The following PTPRD variants were observed in gnomAD, a reference collection of about 807,000 sequenced individuals.
PTPRD encodes protein tyrosine phosphatase receptor type D.
In PTPRD, 34 loss-of-function variants were observed where a neutral mutation model predicts 214.5. The observed-to-expected ratio is 0.16, with a 90% CI of 0.12 to 0.21. The LOEUF is 0.21. Among genes scored for constraint, PTPRD ranks in the 10% least tolerant of loss-of-function variants. The probability of loss-of-function intolerance (pLI) is 1.00; values close to 1 mark genes in which losing one functional copy is unlikely to be tolerated. For missense variants in PTPRD, 2,545 were observed against 2,398.7 expected (o/e 1.06, Z -1.27); for synonymous variants, 1,128 against 845.7 (o/e 1.33, Z -5.79).
chr9:8,564,517 A>G (rs2088032822), intron 14 of PTPRD, among the ~76,000 whole-genome samples: 1 of 152,106 alleles, frequency 6.6e-6, no homozygotes, highest in South Asian at 2.1e-4. Flanking sequence ...CCAGGCCAAC[A>G]TGGTGAAACC....
chr9:9,808,669 C>T (rs974769990), intron 5 of PTPRD, among the ~76,000 whole-genome samples: 2 of 152,092 alleles, frequency 1.3e-5, no homozygotes, highest in Non-Finnish European at 1.5e-5. Context: ...TAATGTCTGC[C>T]TCCTGGTTCC....
chr9:9,738,661 C>T (rs1435477146), intron 6 of PTPRD, among the ~76,000 whole-genome samples: 3 of 151,776 alleles, frequency 2.0e-5, no homozygotes, highest in Admixed American at 6.6e-5. Context: ...AGGCTGGTCT[C>T]GAACTCCTGA....
intron 14 of PTPRD, among the ~76,000 whole-genome samples, chr9:8,542,480 G>T (rs1232359707): frequency 6.6e-6 from 1 of 152,194 alleles, no homozygotes; most frequent in Admixed American, 6.5e-5. Flanking sequence ...TTTTGAAGAT[G>T]AGGAATGAAG....
chr9:10,100,016 T>G (rs1347916789), intron 3 of PTPRD, among the ~76,000 whole-genome samples: 1 of 151,724 alleles, frequency 6.6e-6, no homozygotes, highest in Non-Finnish European at 1.5e-5. Context: ...TTCTCCCAAA[T>G]GTATATGTGT....
chr9:9,882,832 G>T (rs1026732351), intron 5 of PTPRD, among the ~76,000 whole-genome samples: 2 of 152,020 alleles, frequency 1.3e-5, no homozygotes, highest in African/African-American at 4.8e-5. Flanking sequence ...GGGGCCTAAT[G>T]GGAAGTGTTT....
intron 3 of PTPRD, among the ~76,000 whole-genome samples, chr9:10,275,825 T>G (rs931628608): frequency 1.3e-5 from 2 of 151,988 alleles, no homozygotes; most frequent in Non-Finnish European, 2.9e-5. Flanking sequence ...AGAAATACAT[T>G]TGTGATGCCC....
At chr9:8,738,748 G>C (rs2091135606) in intron 11 of PTPRD, among the ~76,000 whole-genome samples, 1 of 149,524 alleles carries the variant, frequency 6.7e-6, no homozygotes. Context: ...AACGGGAACA[G>C]AAAAGGAAAG....
At chr9:10,261,079 GTGTA>G (rs1272604625) in intron 3 of PTPRD, among the ~76,000 whole-genome samples, 2 of 114,814 alleles carry the variant, frequency 1.7e-5, no homozygotes, top group African/African-American at 4.2e-5. Flanking sequence ...ATATATATGT[GTGTA>G]TATATATATA....
At chr9:8,377,737 CTT>C (rs954533884) in intron 37 of PTPRD, among the ~76,000 whole-genome samples, 5 of 151,936 alleles carry the variant, frequency 3.3e-5, no homozygotes, top group African/African-American at 1.2e-4. Context: ...AAATCACAAT[CTT>C]TGGATTTAAA....
At chr9:9,825,860 T>C (rs927285300) in intron 5 of PTPRD, among the ~76,000 whole-genome samples, 1 of 151,830 alleles carries the variant, frequency 6.6e-6, no homozygotes, top group African/African-American at 2.4e-5. Context: ...AGTCAATTTA[T>C]TCTTTTCCAT....
At chr9:9,540,026 C>G (rs1188973311) in intron 8 of PTPRD, among the ~76,000 whole-genome samples, 1 of 151,628 alleles carries the variant, frequency 6.6e-6, no homozygotes, top group Non-Finnish European at 1.5e-5. Flanking sequence ...GAAGTATACT[C>G]CCCCTTTCAC....
intron 8 of PTPRD, among the ~76,000 whole-genome samples, chr9:9,429,056 A>G (rs370921945): frequency 6.6e-6 from 1 of 152,336 alleles, no homozygotes; most frequent in South Asian, 2.1e-4. Flanking sequence ...CTAAGATCAG[A>G]GCAGAACTGA....
chr9:9,390,506 T>C (rs529629081), intron 9 of PTPRD, among the ~76,000 whole-genome samples: 39 of 152,182 alleles, frequency 2.6e-4, no homozygotes, highest in African/African-American at 8.2e-4. Flanking sequence ...AAAGTATTCA[T>C]AGAAACAATA....
intron 11 of PTPRD, among the ~76,000 whole-genome samples, chr9:8,865,690 A>G (rs184493807): frequency 6.6e-6 from 1 of 152,236 alleles, no homozygotes; most frequent in Admixed American, 6.5e-5. Context: ...AGATCTCAAA[A>G]AAGGTCTGCT....
chr9:9,183,082 C>T (rs1053458521), intron 10 of PTPRD, among the ~76,000 whole-genome samples: 1 of 151,978 alleles, frequency 6.6e-6, no homozygotes, highest in African/African-American at 2.4e-5. Flanking sequence ...ATAAATCTCT[C>T]ATTGACAGAT....
intron 5 of PTPRD, among the ~76,000 whole-genome samples, chr9:9,919,232 C>G (rs911289991): frequency 5.3e-5 from 8 of 152,108 alleles, no homozygotes; most frequent in African/African-American, 1.7e-4. Context: ...AACATACCCT[C>G]TCTTCCTTCT....
intron 7 of PTPRD, among the ~76,000 whole-genome samples, chr9:9,596,603 C>T (rs1184507914): frequency 2.6e-5 from 4 of 151,916 alleles, no homozygotes; most frequent in Non-Finnish European, 5.9e-5. Flanking sequence ...TTGCTAGTCT[C>T]CTTTCAAATG....
intron 4 of PTPRD, among the ~76,000 whole-genome samples, chr9:9,976,363 G>A (rs2095350966): frequency 1.3e-5 from 2 of 151,948 alleles, no homozygotes; most frequent in African/African-American, 4.8e-5. Context: ...CACTTTTTAT[G>A]CATCATCCAG....
chr9:9,412,274 G>A (rs1046130033), intron 8 of PTPRD, among the ~76,000 whole-genome samples: 2 of 151,730 alleles, frequency 1.3e-5, no homozygotes, highest in Non-Finnish European at 2.9e-5. Flanking sequence ...TTGTAAATTT[G>A]GTATTTGTGG....
Sources: gnomAD v4.1 joint callset for allele counts (sites outside exome capture counted in the v4.1 genomes callset) on GRCh38, gnomAD v4.1.1 for gene constraint, MANE v1.5 for transcripts, NCBI Gene and HGNC (gene_info 2026-07-23, HGNC 2026-07-21) for gene names.